The following RUNX2 variants were observed in gnomAD, a reference collection of about 807,000 sequenced individuals.
The protein encoded by RUNX2 is runt-related transcription factor 2.
A neutral mutation model predicts 51.7 loss-of-function variants in RUNX2; 10 were observed. The ratio of observed to expected loss-of-function variants is 0.19; its 90% CI spans 0.12 to 0.33. RUNX2 has a LOEUF of 0.33. RUNX2 is among the 10% of genes least tolerant of loss of function. RUNX2 has a pLI of 1.00. For missense variants in RUNX2, 562 were observed against 691.3 expected (o/e 0.81, Z 2.10); for synonymous variants, 276 against 273.6 (o/e 1.01, Z -0.09).
At chr6:45,480,496 C>T (rs1273675930) in intron 5 of RUNX2, among the ~76,000 whole-genome samples, 2 of 152,168 alleles carry the variant, frequency 1.3e-5, no homozygotes, top group African/African-American at 2.4e-5. Context: ...AGACATAGCA[C>T]GTAACAGACA....
At chr6:45,494,906 T>G (rs1800601076) in intron 6 of RUNX2, among the ~76,000 whole-genome samples, 1 of 151,862 alleles carries the variant, frequency 6.6e-6, no homozygotes, top group Non-Finnish European at 1.5e-5. Flanking sequence ...GTTGAAGAGA[T>G]AGTTATCCTC....
chr6:45,399,010 A>G (rs1055296625), intron 2 of RUNX2, among the ~76,000 whole-genome samples: 1 of 152,102 alleles, frequency 6.6e-6, no homozygotes, highest in Non-Finnish European at 1.5e-5. Flanking sequence ...AGCAAGCTGT[A>G]AATAAATTTC....
At chr6:45,527,318 T>G (rs1345682622) in intron 7 of RUNX2, among the ~76,000 whole-genome samples, 1 of 152,224 alleles carries the variant, frequency 6.6e-6, no homozygotes, top group Admixed American at 6.5e-5. Flanking sequence ...TTAAGCCATT[T>G]GGCAGATTTT....
chr6:45,347,141 T>C (rs2150165119), intron 2 of RUNX2, among the ~76,000 whole-genome samples: 1 of 152,282 alleles, frequency 6.6e-6, no homozygotes, highest in South Asian at 2.1e-4. Context: ...GACTAAAGAA[T>C]TATTTACATG....
intron 7 of RUNX2, among the ~76,000 whole-genome samples, chr6:45,541,958 A>C (rs1286221009): frequency 1.3e-5 from 2 of 152,166 alleles, no homozygotes; most frequent in Non-Finnish European, 2.9e-5. Context: ...AAAGGCCTTC[A>C]AATGTCAAAC....
chr6:45,331,618 C>T (rs753081319), intron 2 of RUNX2, among the ~76,000 whole-genome samples: 5 of 151,736 alleles, frequency 3.3e-5, no homozygotes, highest in Non-Finnish European at 7.4e-5. Context: ...TATAATAATC[C>T]TAATTTTACA....
intron 3 of RUNX2, among the ~76,000 whole-genome samples, chr6:45,428,807 T>C (rs2677103): frequency 0.96 from 143,160 of 149,548 alleles, 68,586 homozygotes; most frequent in East Asian, 1. Flanking sequence ...TGTCCCAGAG[T>C]TCTTGAAAAC....
chr6:45,413,837 G>A (rs1798006414), intron 2 of RUNX2, among the ~76,000 whole-genome samples: 1 of 152,164 alleles, frequency 6.6e-6, no homozygotes, highest in South Asian at 2.1e-4. Context: ...AAGGAAGCCT[G>A]AAATCACTCG....
intron 2 of RUNX2, among the ~76,000 whole-genome samples, chr6:45,346,129 T>C (rs1445112547): frequency 6.6e-6 from 1 of 152,130 alleles, no homozygotes; most frequent in African/African-American, 2.4e-5. Flanking sequence ...TAGTAGCATA[T>C]CTGTAACTCT....
intron 2 of RUNX2, among the ~76,000 whole-genome samples, chr6:45,420,772 C>T (rs1056757561): frequency 6.6e-6 from 1 of 152,206 alleles, no homozygotes; most frequent in African/African-American, 2.4e-5. Context: ...GCGGATTTCC[C>T]GGCTTCTGCG....
At chr6:45,524,139 C>T (rs768163320) in intron 7 of RUNX2, among the ~76,000 whole-genome samples, 95 of 152,194 alleles carry the variant, frequency 6.2e-4, no homozygotes, top group Non-Finnish European at 1.1e-3. Context: ...AACAGGAAGG[C>T]GTATTTTCTG....
intron 2 of RUNX2, among the ~76,000 whole-genome samples, chr6:45,336,825 T>C (rs1788658862): frequency 6.6e-6 from 1 of 151,576 alleles, no homozygotes. Flanking sequence ...ACCTCTGTTT[T>C]AAACTTTCTT....
intron 5 of RUNX2, among the ~76,000 whole-genome samples, chr6:45,453,587 G>A (rs1184475916): frequency 2.0e-5 from 3 of 152,226 alleles, no homozygotes; most frequent in East Asian, 3.8e-4. Context: ...TAGAGACAGA[G>A]TGAGAGCTTT....
At chr6:45,328,551 CAT>C (rs1371314565) in intron 1 of RUNX2, 91 bp downstream of exon 1, 22 of 1,577,466 alleles carry the variant, frequency 1.4e-5, no homozygotes, top group African/African-American at 4.1e-5. Flanking sequence ...TTGCTTTTCA[CAT>C]GTTACCAGCT....
At chr6:45,391,511 A>G (rs1290108132) in intron 2 of RUNX2, among the ~76,000 whole-genome samples, 1 of 152,302 alleles carries the variant, frequency 6.6e-6, no homozygotes, top group East Asian at 1.9e-4. Context: ...ATTTCTTTAC[A>G]GCAATGCTAA....
At chr6:45,363,543 C>A (rs938524350) in intron 2 of RUNX2, among the ~76,000 whole-genome samples, 1 of 151,958 alleles carries the variant, frequency 6.6e-6, no homozygotes, top group Non-Finnish European at 1.5e-5. Context: ...AATCAATGAA[C>A]CAGCTCTACA....
chr6:45,420,538 G>C (rs749609186), intron 2 of RUNX2, among the ~76,000 whole-genome samples: 1 of 152,216 alleles, frequency 6.6e-6, no homozygotes, highest in Non-Finnish European at 1.5e-5. Flanking sequence ...GCTTCGAGGG[G>C]GAGGCATTCT....
At chr6:45,352,700 A>C (rs1363257959) in intron 2 of RUNX2, among the ~76,000 whole-genome samples, 1 of 152,160 alleles carries the variant, frequency 6.6e-6, no homozygotes, top group African/African-American at 2.4e-5. Context: ...GAATATTCAT[A>C]ATCTACTGTA....
chr6:45,547,382 G>A lies in RUNX2; in HGVS notation c.*77G>A. ...CAATATATACATATATAGAGAGAGT[G>A]CATATATATGTATATCGATTAGCTA... On this transcript the variant is annotated 3_prime_UTR_variant, in exon 9 of 9. Coordinates refer to ENST00000647337, the MANE Select transcript of RUNX2 (RefSeq NM_001024630.4). 1 of 1,140,752 alleles carries A rather than the reference G, an allele frequency of 8.8e-7. No homozygotes were observed. The highest frequency in any genetic ancestry group is 1.2e-5 in the South Asian group (1 of 81,160). 70.7% of individuals were successfully genotyped at this position (1,140,752 alleles called of 1,614,324 possible). A position where few individuals can be genotyped will look rare whatever the true frequency, so the allele number is the denominator to read the frequency against.
Sources: gnomAD v4.1 joint callset for allele counts (sites outside exome capture counted in the v4.1 genomes callset) on GRCh38, gnomAD v4.1.1 for gene constraint, MANE v1.5 for transcripts, NCBI Gene and HGNC (gene_info 2026-07-23, HGNC 2026-07-21) for gene names.